Variants in DHX37 observed in about 807,000 individuals in gnomAD.
DHX37 encodes the protein probable ATP-dependent RNA helicase DHX37.
In DHX37, 52 loss-of-function variants were observed where a neutral mutation model predicts 134.3. The ratio of observed to expected loss-of-function variants is 0.39; its 90% CI spans 0.31 to 0.49. The LOEUF (loss-of-function observed/expected upper bound fraction) is 0.49. DHX37 is among the 20% of genes least tolerant of loss of function. The pLI, the probability that DHX37 is intolerant of heterozygous loss-of-function variation, is 0.93. For synonymous variants in DHX37, 634 were observed against 670.7 expected, an observed-to-expected ratio of 0.95 and a Z score of 0.85; for missense variants, 1,344 against 1,580.8, an observed-to-expected ratio of 0.85 and a Z score of 2.54.
chr12:124,968,122 C>A (rs1954432860), intron 10 of DHX37, among the ~76,000 whole-genome samples: 2 of 151,956 alleles, frequency 1.3e-5, no homozygotes, highest in South Asian at 4.2e-4. Flanking sequence ...AATCTATTCA[C>A]ACAGAAAGGT....
chr12:124,985,452 G>T (rs1259690475), intron 2 of DHX37, among the ~76,000 whole-genome samples: 5 of 151,860 alleles, frequency 3.3e-5, no homozygotes, highest in Admixed American at 2.0e-4. Flanking sequence ...AAAAATTAAG[G>T]TTGGCTGGGC....
chr12:124,952,518 C>T lies in DHX37; in HGVS notation c.2748G>A (p.Pro916=), dbSNP rs34950844. The change falls in exon 21 of 27, where the codon CCG becomes CCA. Residue 916 remains proline (P), a synonymous_variant. Coordinates refer to ENST00000308736, the MANE Select transcript of DHX37 (RefSeq NM_032656.4). ...GGTAGGTCACCTGGCTCTCGGTGGG[C>T]GGCTGCATCTTGGGATCCACGAAGA... is the stretch of plus-strand genomic sequence containing the variant. ...AELFVDPKMQ[P]PTESQVTYLR... The T allele has an allele frequency of 6.9e-6, 11 of 1,602,194 alleles. No homozygotes were observed. Among genetic ancestry groups the T allele is most frequent in the African/African-American group, 1.4e-5 (1 of 74,038 alleles).
intron 8 of DHX37, among the ~76,000 whole-genome samples, chr12:124,969,687 G>T (rs1277871691): frequency 6.6e-6 from 1 of 152,058 alleles, no homozygotes. Flanking sequence ...AACGACAAGT[G>T]CTGGCAGGAT....
Position 124,950,431 on chromosome 12 carries a change from G to A in DHX37, c.3103C>T (p.His1035Tyr), listed in dbSNP as rs371290422. ...AACTCACAGAACACGCTGGCCCGGT[G>A]ACACAGCACCCGCCCCCGCTCGGGG... is the stretch of plus-strand genomic sequence containing the variant. ...YCPERGRVLCHRASVFYRVGW... is the reference protein window; with the variant it reads ...YCPERGRVLCYRASVFYRVGW... Residue 1035 changes from histidine to tyrosine, a missense_variant, in exon 23 of 27, where the codon CAC (histidine) becomes TAC (tyrosine). Physicochemically the swap from His to Tyr is moderately conservative, Grantham distance 83 (BLOSUM62 2). Transcript: ENST00000308736. 9.4e-6 allele frequency: 15 copies of A among 1,597,448 alleles called. No homozygotes were observed. Among genetic ancestry groups the A allele is most frequent in the Non-Finnish European group, 1.3e-5 (15 of 1,171,564 alleles).
chr12:124,965,134 C>T (rs1954354070), intron 13 of DHX37, 128 bp from the exon 14 acceptor site: 1 of 1,099,394 alleles, frequency 9.1e-7, no homozygotes, highest in Non-Finnish European at 1.3e-6. Context: ...GCTGCAGAGG[C>T]TCCCCTTGGG....
intron 4 of DHX37, among the ~76,000 whole-genome samples, chr12:124,978,593 C>T (rs1370682127): frequency 2.0e-5 from 3 of 146,608 alleles, no homozygotes; most frequent in Non-Finnish European, 4.5e-5. Context: ...GTTGGGATTA[C>T]AGGCGTGAGC....
chr12:124,984,864 A>C (rs1352617077), intron 2 of DHX37, among the ~76,000 whole-genome samples: 1 of 152,192 alleles, frequency 6.6e-6, no homozygotes, highest in Non-Finnish European at 1.5e-5. Context: ...CCCTATTTGG[A>C]AAAAGGTTTT....
chr12:124,965,020 A>AGAG lies in DHX37; in HGVS notation c.1736-17_1736-15dup, dbSNP rs771903369. 19 of 1,588,100 alleles carry AGAG rather than the reference A, an allele frequency of 1.2e-5. No homozygotes were observed. The highest frequency in any genetic ancestry group is 7.4e-5 in the Admixed American group (4 of 53,774). On this transcript the variant is annotated splice_polypyrimidine_tract_variant and intron_variant, in intron 13 of 26. Transcript: ENST00000308736. ...CCGGCTGCTCACCTGGAGGGAAAGC[A>AGAG]GAGGTCACTGGCACCCAGGCCGGGA...
In DHX37 at chr12:124,975,974, G is replaced by A. The variant is rs537037172; in HGVS notation, c.888-463C>T. ...AGCTCCTTCCATTCCCTGTAAGTGC[G>A]GGGCCCACTGTGCCCAGCCTGTTTG... On this transcript the variant is annotated intron_variant, in intron 5 of 26. Coordinates refer to ENST00000308736, the MANE Select transcript of DHX37 (RefSeq NM_032656.4). 6.8e-4 allele frequency among the ~76,000 whole-genome samples: 104 copies of A among 152,356 alleles called. 1 individual carries two copies. The highest frequency in any genetic ancestry group is 3.4e-3 in the Middle Eastern group (1 of 294).
intron 7 of DHX37, among the ~76,000 whole-genome samples, chr12:124,971,666 C>T (rs1184642847): frequency 6.6e-6 from 1 of 152,210 alleles, no homozygotes; most frequent in Admixed American, 6.5e-5. Context: ...ACCCAAACTG[C>T]ATCCACTGCC....
chr12:124,965,861 G>A (rs1206340058), intron 12 of DHX37, 49 bp from the exon 13 acceptor site: 4 of 1,588,888 alleles, frequency 2.5e-6, no homozygotes, highest in Non-Finnish European at 3.4e-6. Flanking sequence ...TCCTGGGTGT[G>A]AGGACGTGGC....
chr12:124,984,760 A>C (rs1954831024), intron 2 of DHX37, among the ~76,000 whole-genome samples: 1 of 152,156 alleles, frequency 6.6e-6, no homozygotes, highest in Non-Finnish European at 1.5e-5. Context: ...TAGAGATACA[A>C]ATTGAAATAT....
At position 124,968,153 on chromosome 12, in the gene DHX37, G is replaced by A. The variant is rs540171877; in HGVS notation, c.1408+381C>T. Among the ~76,000 whole-genome samples, 3 of 152,156 alleles carry A rather than the reference G, an allele frequency of 2.0e-5. No homozygotes were observed. The East Asian group carries it at 5.8e-4, about 29-fold the overall frequency. On this transcript the variant is annotated intron_variant, in intron 10 of 26. Transcript: ENST00000308736. ...AAGGTCACATCCATTTCAGTAACAT[G>A]AGGTGGGTAACGGAGCAGGTATGAT...
At chr12:124,986,357 G>T in intron 1 of DHX37, 92 bp from the exon 2 acceptor site, 1 of 1,389,554 alleles carries the variant, frequency 7.2e-7, no homozygotes, top group Non-Finnish European at 9.9e-7. Flanking sequence ...GGGGCCTCCT[G>T]AGTCTGCACA....
intron 26 of DHX37, 97 bp from the exon 27 acceptor site, chr12:124,947,984 C>A: frequency 6.2e-7 from 1 of 1,613,026 alleles, no homozygotes; most frequent in Non-Finnish European, 8.5e-7. Flanking sequence ...GGGGCCAGAT[C>A]CTTCTGCCAA....
chr12:124,977,425 G>A lies in DHX37; in HGVS notation c.804C>T (p.His268=). 6.2e-7 allele frequency: 1 copy of A among 1,611,520 alleles called. No homozygotes were observed. The highest frequency in any genetic ancestry group is 8.5e-7 in the Non-Finnish European group (1 of 1,179,080). ...EQVIMEAVAE[H]PIVIVCGETG... ...TCTCACCACACACGATGACGATGGGGTGCTCGGCCACAGCCTCCATGATTA... is the reference window on the plus strand; with the variant it reads ...TCTCACCACACACGATGACGATGGGATGCTCGGCCACAGCCTCCATGATTA... Residue 268 remains histidine (H), a synonymous_variant, in exon 5 of 27, where the codon CAC becomes CAT. Coordinates refer to ENST00000308736, the MANE Select transcript of DHX37 (RefSeq NM_032656.4).
At chr12:124,976,857 G>GA (rs1018338836) in intron 5 of DHX37, among the ~76,000 whole-genome samples, 43 of 138,880 alleles carry the variant, frequency 3.1e-4, no homozygotes, top group African/African-American at 6.3e-4. Flanking sequence ...AAAGAAAAAA[G>GA]AAAAAAAAAA....
At position 124,949,860 on chromosome 12, in the gene DHX37, C is replaced by G; in HGVS notation, c.3290+126G>C. 8.9e-7 allele frequency: 1 copy of G among 1,120,736 alleles called. No homozygotes were observed. Among genetic ancestry groups the G allele is most frequent in the Non-Finnish European group, 1.3e-6 (1 of 784,708 alleles). 69.4% of individuals were successfully genotyped at this position (1,120,736 alleles called of 1,614,324 possible). On this transcript the variant is annotated intron_variant, in intron 25 of 26. Coordinates refer to ENST00000308736, the MANE Select transcript of DHX37 (RefSeq NM_032656.4). The surrounding 1 kb of genome is among the most constrained non-coding windows in gnomAD (Gnocchi z 4.0). ...ACCGTGGCTCTGCAGAGCCTTCAGA[C>G]CTGAGCACAGACTTCTGATGTTTTA...
At chr12:124,985,827 TAA>T (rs369516534) in intron 2 of DHX37, among the ~76,000 whole-genome samples, 3 of 134,252 alleles carry the variant, frequency 2.2e-5, no homozygotes, top group Non-Finnish European at 1.6e-5. Context: ...AAATTTAAAT[TAA>T]AAAAAAAAAA....
Sources: gnomAD v4.1 joint callset for allele counts (sites outside exome capture counted in the v4.1 genomes callset) on GRCh38, gnomAD v4.1.1 for gene constraint, Gnocchi (gnomAD v3.1) non-coding constraint, MANE v1.5 for transcripts, NCBI Gene and HGNC (gene_info 2026-07-23, HGNC 2026-07-21) for gene names.